DSCAM: variants seen among roughly 807,000 people sequenced by gnomAD.
The protein encoded by DSCAM is cell adhesion molecule DSCAM.
Under a neutral mutation model 217.7 loss-of-function variants are expected in DSCAM, and 47 were observed. That is an observed-to-expected ratio of 0.22 (90% CI 0.17 to 0.28). The LOEUF (loss-of-function observed/expected upper bound fraction) is 0.28, where lower values mean the gene tolerates loss of function less well. Among genes scored for constraint, DSCAM ranks in the 10% least tolerant of loss-of-function variants. The pLI is 1.00. For synonymous variants in DSCAM, 1,056 were observed against 1,015.3 expected (o/e 1.04, Z -0.76); for missense variants, 2,080 against 2,618.3 (o/e 0.79, Z 4.49).
intron 1 of DSCAM, among the ~76,000 whole-genome samples, chr21:40,802,344 C>T (rs2091749081): frequency 6.6e-6 from 1 of 152,046 alleles, no homozygotes; most frequent in South Asian, 2.1e-4. Flanking sequence ...AGTAGACAAC[C>T]CGTTTTGATT....
rs903619433 is a variant in DSCAM at position 40,328,736 on chromosome 21, C to T, written c.1783+9365G>A. On this transcript the variant is annotated intron_variant, in intron 8 of 32. Coordinates refer to ENST00000400454, the MANE Select transcript of DSCAM (RefSeq NM_001389.5). The stretch of plus-strand genomic sequence containing the variant: ...AGAAGGAAAGAATATATTTGCAAAC[C>T]GTACATCTGATAAAAGGTTACTATC... Among the ~76,000 whole-genome samples the T allele has an allele frequency of 4.6e-5, 7 of 152,024 alleles. No homozygotes were observed. The East Asian group carries it at 9.7e-4, about 21-fold the overall frequency.
chr21:40,360,295 G>T (rs905096785), intron 4 of DSCAM, among the ~76,000 whole-genome samples: 1 of 151,750 alleles, frequency 6.6e-6, no homozygotes, highest in Non-Finnish European at 1.5e-5. Flanking sequence ...ACCACGCCCG[G>T]CTAATTTTTT....
At chr21:40,779,610 A>G (rs943006756) in intron 1 of DSCAM, among the ~76,000 whole-genome samples, 2 of 152,248 alleles carry the variant, frequency 1.3e-5, no homozygotes, top group Admixed American at 1.3e-4. Flanking sequence ...TATAAAAAGC[A>G]AATCAATAAA....
chr21:40,505,879 C>T (rs1032948260), intron 3 of DSCAM, among the ~76,000 whole-genome samples: 6 of 152,162 alleles, frequency 3.9e-5, no homozygotes, highest in African/African-American at 9.7e-5. Flanking sequence ...TTTAACACTT[C>T]GCCAACAACT....
At chr21:40,369,563 G>A (rs1381000672) in intron 3 of DSCAM, among the ~76,000 whole-genome samples, 1 of 151,942 alleles carries the variant, frequency 6.6e-6, no homozygotes. Flanking sequence ...TTACAGCAAC[G>A]AAGTTGTCAT....
intron 3 of DSCAM, among the ~76,000 whole-genome samples, chr21:40,522,787 C>T (rs1429547257): frequency 6.6e-6 from 1 of 152,204 alleles, no homozygotes; most frequent in Non-Finnish European, 1.5e-5. Context: ...CCATTCGCAA[C>T]TCCATCAACT....
chr21:40,507,399 G>A (rs2837665), intron 3 of DSCAM, among the ~76,000 whole-genome samples: 83,550 of 151,974 alleles, frequency 0.55, 23,245 homozygotes, highest in Non-Finnish European at 0.58. Context: ...TGTCTTACGG[G>A]TAAAAAATAC....
At chr21:40,735,188 G>A (rs1049224459) in intron 1 of DSCAM, among the ~76,000 whole-genome samples, 1 of 152,126 alleles carries the variant, frequency 6.6e-6, no homozygotes, top group Non-Finnish European at 1.5e-5. Context: ...GTTCCAAATG[G>A]GTAAGTACTG....
At chr21:40,785,652 A>T (rs1192980557) in intron 1 of DSCAM, among the ~76,000 whole-genome samples, 1 of 152,246 alleles carries the variant, frequency 6.6e-6, no homozygotes, top group Non-Finnish European at 1.5e-5. Flanking sequence ...GACTCCCAGG[A>T]TGAAAAGACT....
intron 1 of DSCAM, among the ~76,000 whole-genome samples, chr21:40,757,185 G>A (rs557057972): frequency 2.6e-5 from 4 of 152,004 alleles, no homozygotes; most frequent in East Asian, 1.9e-4. Flanking sequence ...CACCAAGCCC[G>A]GCTAATTTTT....
intron 3 of DSCAM, among the ~76,000 whole-genome samples, chr21:40,636,771 T>C (rs1407894022): frequency 6.6e-6 from 1 of 151,150 alleles, no homozygotes; most frequent in African/African-American, 2.4e-5. Flanking sequence ...TTTTTTTTTT[T>C]TTTTTTCACA....
At chr21:40,641,041 T>C (rs2089871724) in intron 3 of DSCAM, among the ~76,000 whole-genome samples, 1 of 152,246 alleles carries the variant, frequency 6.6e-6, no homozygotes, top group Non-Finnish European at 1.5e-5. Context: ...CCCTACTGTT[T>C]GTGTAAAAAG....
chr21:40,618,112 T>C (rs549115873), intron 3 of DSCAM, among the ~76,000 whole-genome samples: 7 of 152,224 alleles, frequency 4.6e-5, no homozygotes, highest in South Asian at 2.1e-4. Context: ...AAAGGTGTCA[T>C]TGTATTAAGA....
chr21:40,726,516 TG>T (rs1179412280), intron 1 of DSCAM, among the ~76,000 whole-genome samples: 5 of 150,804 alleles, frequency 3.3e-5, no homozygotes, highest in African/African-American at 1.2e-4. Flanking sequence ...CTTAAAAATA[TG>T]GGTCTGAACA....
chr21:40,330,307 A>T lies in DSCAM; in HGVS notation c.1783+7794T>A, dbSNP rs564145318. Among the ~76,000 whole-genome samples, 3 of 147,276 alleles carry T rather than the reference A, an allele frequency of 2.0e-5. No homozygotes were observed. In the South Asian group the frequency reaches 6.3e-4, roughly 31 times the overall value. On this transcript the variant is annotated intron_variant, in intron 8 of 32. Transcript: ENST00000400454. ...TTATATTATATGCATATATTTATAT[A>T]TAATAAATTATATATTTATTATATT...
chr21:40,085,712 T>G lies in DSCAM; in HGVS notation c.4022A>C (p.Asn1341Thr). Residue 1341 changes from asparagine to threonine, a missense_variant, in exon 23 of 33, where the codon AAC becomes ACC. By Grantham distance (65) the Asn-to-Thr change is moderately conservative. Coordinates refer to ENST00000400454, the MANE Select transcript of DSCAM (RefSeq NM_001389.5). ...TIDGRRSIFS[N>T]GSFIIRTVKA... ...CACCGTGCGAATAATGAAGCTTCCG[T>G]TGCTAAAGATGCTCCTCCGCCCATC... 1 of 1,586,112 alleles carries G rather than the reference T, an allele frequency of 6.3e-7. No individual in the cohort carries two copies. Among genetic ancestry groups the G allele is most frequent in the Admixed American group, 1.7e-5 (1 of 59,514 alleles).
At chr21:40,771,259 G>A (rs1392979146) in intron 1 of DSCAM, among the ~76,000 whole-genome samples, 1 of 152,208 alleles carries the variant, frequency 6.6e-6, no homozygotes, top group African/African-American at 2.4e-5. Flanking sequence ...TCATTGAGCA[G>A]GCCATGGGCT....
intron 18 of DSCAM, 97 bp from the exon 19 acceptor site, chr21:40,134,106 T>C: frequency 6.9e-7 from 1 of 1,440,888 alleles, no homozygotes; most frequent in Non-Finnish European, 9.3e-7. Flanking sequence ...TGCCATGCCA[T>C]CACCCGTCCA....
chr21:40,158,297 G>A (rs2090502053), intron 16 of DSCAM, among the ~76,000 whole-genome samples: 1 of 152,136 alleles, frequency 6.6e-6, no homozygotes, highest in South Asian at 2.1e-4. Context: ...GGCTGAGGTA[G>A]GAGGATCACA....
Sources: allele counts gnomAD v4.1 joint callset (sites outside exome capture counted in the v4.1 genomes callset), GRCh38; gene constraint gnomAD v4.1.1; transcripts MANE v1.5; gene names NCBI Gene and HGNC (gene_info 2026-07-23, HGNC 2026-07-21).